The following PPFIA2 variants were observed in gnomAD, a reference collection of about 807,000 sequenced individuals.
The protein encoded by PPFIA2 is PPFI scaffold protein A2.
A neutral mutation model predicts 175.5 loss-of-function variants in PPFIA2; 46 were observed. The observed-to-expected ratio is 0.26, with a 90% CI of 0.21 to 0.34. The LOEUF (loss-of-function observed/expected upper bound fraction) is 0.34. PPFIA2 is among the 10% of genes least tolerant of loss of function. The probability of loss-of-function intolerance (pLI) is 1.00; values close to 1 mark genes in which losing one functional copy is unlikely to be tolerated. For missense variants in PPFIA2, 1,179 were observed against 1,506.1 expected, an observed-to-expected ratio of 0.78 and a Z score of 3.60; for synonymous variants, 568 against 511.4, an observed-to-expected ratio of 1.11 and a Z score of -1.49.
intron 13 of PPFIA2, chr12:81,368,098 C>A (rs1387751707): frequency 7.8e-7 from 1 of 1,287,080 alleles, no homozygotes; most frequent in Non-Finnish European, 1.0e-6. Context: ...GGTTTTATAC[C>A]CTACCTTAAT....
At chr12:81,579,263 A>C (rs558321874) in intron 4 of PPFIA2, among the ~76,000 whole-genome samples, 1 of 151,940 alleles carries the variant, frequency 6.6e-6, no homozygotes, top group East Asian at 1.9e-4. Flanking sequence ...TGTGTACTCG[A>C]GGAATAGCAA....
chr12:81,614,892 G>T lies in PPFIA2; in HGVS notation c.303+61899C>A, dbSNP rs558592380. ...GCATAAGGAGTCTTAGATAAATTAC[G>T]CAACTTGTCTAATATCACGTAACTA... On this transcript the variant is annotated intron_variant, in intron 4 of 32. Coordinates refer to ENST00000549396, the MANE Select transcript of PPFIA2 (RefSeq NM_003625.5). 1.4e-4 allele frequency among the ~76,000 whole-genome samples: 21 copies of T among 152,048 alleles called. 1 individual carries two copies. The South Asian group carries it at 3.9e-3, about 29-fold the overall frequency.
At chr12:81,358,879 C>T (rs2061235400) in intron 15 of PPFIA2, among the ~76,000 whole-genome samples, 1 of 152,004 alleles carries the variant, frequency 6.6e-6, no homozygotes, top group Non-Finnish European at 1.5e-5. Context: ...AAAATCTTTT[C>T]ATAAGCACAT....
At chr12:81,327,029 C>T (rs2054928774) in intron 21 of PPFIA2, among the ~76,000 whole-genome samples, 1 of 151,942 alleles carries the variant, frequency 6.6e-6, no homozygotes, top group South Asian at 2.1e-4. Context: ...AAATATCTTA[C>T]CAAGGTGCCA....
At chr12:81,471,338 T>C (rs1274647925) in intron 4 of PPFIA2, 2 of 151,584 alleles carry the variant, frequency 1.3e-5, no homozygotes, top group African/African-American at 4.8e-5. Context: ...TTTATTTATT[T>C]ATTTTGGTAA....
chr12:81,259,631 T>C lies in PPFIA2; in HGVS notation c.*63A>G, dbSNP rs2136050093. Reference sequence around the variant, plus strand: ...CTCGTCTTCTTAGATGGTAGTGCACTTTAGGTAGAGTAGACTGAAAAGACG... The same window carrying C: ...CTCGTCTTCTTAGATGGTAGTGCACCTTAGGTAGAGTAGACTGAAAAGACG... On this transcript the variant is annotated 3_prime_UTR_variant, in exon 33 of 33. Coordinates refer to ENST00000549396, the MANE Select transcript of PPFIA2 (RefSeq NM_003625.5). 2.0e-6 allele frequency: 3 copies of C among 1,534,092 alleles called. No homozygotes were observed. The South Asian group carries it at 3.6e-5, about 18-fold the overall frequency.
chr12:81,651,907 C>T (rs2067088138), intron 4 of PPFIA2, among the ~76,000 whole-genome samples: 1 of 151,934 alleles, frequency 6.6e-6, no homozygotes, highest in Non-Finnish European at 1.5e-5. Flanking sequence ...TGATTAATTA[C>T]AAAGAGGAGT....
At chr12:81,267,865 A>G in intron 29 of PPFIA2, 47 bp downstream of exon 29, 1 of 1,504,974 alleles carries the variant, frequency 6.6e-7, no homozygotes, top group Non-Finnish European at 9.0e-7. Flanking sequence ...TTAGTTTATC[A>G]TTATATAAAC....
intron 31 of PPFIA2, 30 bp downstream of exon 31, chr12:81,263,201 T>G: frequency 6.4e-7 from 1 of 1,557,242 alleles, no homozygotes. Flanking sequence ...AGCTTTTTGC[T>G]TGATAAGCAG....
At chr12:81,496,795 TTA>T (rs2060076665) in intron 4 of PPFIA2, among the ~76,000 whole-genome samples, 1 of 152,126 alleles carries the variant, frequency 6.6e-6, no homozygotes, top group Admixed American at 6.5e-5. Context: ...GTTGTTACAT[TTA>T]TATGAGTAAA....
chr12:81,416,879 A>G (rs1387966993), intron 7 of PPFIA2, among the ~76,000 whole-genome samples: 1 of 151,752 alleles, frequency 6.6e-6, no homozygotes, highest in African/African-American at 2.4e-5. Flanking sequence ...AAATAATCCA[A>G]TGTGTGTGTA....
intron 11 of PPFIA2, among the ~76,000 whole-genome samples, chr12:81,369,698 G>A (rs1309081664): frequency 6.6e-6 from 1 of 151,718 alleles, no homozygotes; most frequent in Non-Finnish European, 1.5e-5. Flanking sequence ...GGTAGAAGAG[G>A]TTGGATCAGA....
intron 8 of PPFIA2, 84 bp from the exon 9 acceptor site, chr12:81,384,328 A>G: frequency 1.0e-6 from 1 of 989,876 alleles, no homozygotes; most frequent in Non-Finnish European, 1.4e-6. Flanking sequence ...AATTAAACTG[A>G]CACTGCTTTC....
At chr12:81,420,725 G>T (rs2046092500) in intron 7 of PPFIA2, among the ~76,000 whole-genome samples, 1 of 151,840 alleles carries the variant, frequency 6.6e-6, no homozygotes, top group Admixed American at 6.6e-5. Flanking sequence ...AAGAGAAAAA[G>T]AAAGAAAGAA....
At chr12:81,665,619 T>C (rs1365937242) in intron 4 of PPFIA2, among the ~76,000 whole-genome samples, 3 of 152,040 alleles carry the variant, frequency 2.0e-5, no homozygotes, top group Non-Finnish European at 2.9e-5. Flanking sequence ...GGACTTGCGT[T>C]TGCCAGGCAG....
rs775451876 is a variant in PPFIA2, at chr12:81,284,249, C to G, written c.2980G>C (p.Ala994Pro). The part of the protein sequence containing the change: ...HEEMENLAAP[A>P]KTKESEEGSW... ...AAGCCATTAAGACTAACCGTTTTTG[C>G]TGGAGCTGCAAGATTTTCCATTTCT... The change falls in exon 25 of 33, where the codon GCA becomes CCA. Residue 994 changes from alanine to proline, a missense_variant. This residue lies in a region of PPFIA2 where 245 missense variants were observed against 375.1 expected (regional missense o/e 0.65). Transcript: ENST00000549396. The G allele has an allele frequency of 1.0e-4, 160 of 1,589,886 alleles. No individual in the cohort carries two copies. The highest frequency in any genetic ancestry group is 1.1e-4 in the Non-Finnish European group (128 of 1,161,408).
intron 4 of PPFIA2, among the ~76,000 whole-genome samples, chr12:81,652,865 C>A (rs1336576603): frequency 6.6e-6 from 1 of 152,134 alleles, no homozygotes; most frequent in Non-Finnish European, 1.5e-5. Flanking sequence ...TTTCTTCCCA[C>A]TCCCAACCCC....
intron 28 of PPFIA2, among the ~76,000 whole-genome samples, chr12:81,273,221 A>G (rs1294978056): frequency 6.6e-6 from 1 of 152,168 alleles, no homozygotes; most frequent in African/African-American, 2.4e-5. Flanking sequence ...GGAGTATTGT[A>G]TAAATGGTCA....
intron 4 of PPFIA2, among the ~76,000 whole-genome samples, chr12:81,663,308 A>C (rs564252195): frequency 1.3e-5 from 2 of 152,162 alleles, no homozygotes; most frequent in Admixed American, 1.3e-4. Context: ...TCAGCCCAAA[A>C]CCTCCTTAAG....
Sources: gnomAD v4.1 joint callset for allele counts (sites outside exome capture counted in the v4.1 genomes callset) on GRCh38, gnomAD v4.1.1 for gene constraint, gnomAD v4.1.1 regional missense constraint, MANE v1.5 for transcripts, NCBI Gene and HGNC (gene_info 2026-07-23, HGNC 2026-07-21) for gene names.